The following HSPA4L variants were observed in gnomAD, a reference collection of about 807,000 sequenced individuals.
HSPA4L encodes the protein heat shock 70 kDa protein 4L.
A neutral mutation model predicts 100.3 loss-of-function variants in HSPA4L; 48 were observed. The observed-to-expected ratio is 0.48, with a 90% CI of 0.38 to 0.61. The LOEUF is 0.61. Ranked by LOEUF, HSPA4L falls within the 20% of genes least tolerant of loss-of-function variation. The pLI is 0.00. For synonymous variants in HSPA4L, 319 were observed against 328.2 expected (o/e 0.97, Z 0.30); for missense variants, 886 against 988.6 (o/e 0.90, Z 1.39).
chr4:127,818,218 CT>C, intron 12 of HSPA4L, 106 bp from the exon 13 acceptor site: 1 of 632,704 alleles, frequency 1.6e-6, no homozygotes, highest in Middle Eastern at 3.9e-4. Flanking sequence ...TTAACTGTTT[CT>C]ACATTTTACA....
At chr4:127,817,079 A>T (rs1354620081) in intron 12 of HSPA4L, among the ~76,000 whole-genome samples, 2 of 151,808 alleles carry the variant, frequency 1.3e-5, no homozygotes, top group African/African-American at 4.8e-5. Flanking sequence ...ATTTTTTTTT[A>T]ATTTGAGACA....
chr4:127,784,420 A>G (rs887029006), intron 1 of HSPA4L, among the ~76,000 whole-genome samples: 6 of 152,248 alleles, frequency 3.9e-5, no homozygotes, highest in African/African-American at 1.4e-4. Flanking sequence ...AGAGTCTTCT[A>G]AAAGTCTCTT....
In HSPA4L at chr4:127,823,612, T is replaced by G. The variant is rs1733869856; in HGVS notation, c.2034T>G (p.Leu678=). The G allele has an allele frequency of 6.2e-7, 1 of 1,609,290 alleles. No individual in the cohort carries two copies. Among genetic ancestry groups the G allele is most frequent in the African/African-American group, 1.3e-5 (1 of 74,838 alleles). The change falls in exon 16 of 19, where the codon CTT becomes CTG. Residue 678 remains leucine, a synonymous_variant. Coordinates refer to ENST00000296464, the MANE Select transcript of HSPA4L (RefSeq NM_014278.4). ...DQPKQVYVDK[L]QELKKYGQPI... is the part of the protein sequence containing the mutation. ...CTAAACAAGTTTATGTGGATAAGCT[T>G]CAAGAACTAAAGGTACATTTTTTTA... is the stretch of plus-strand genomic sequence containing the variant.
At chr4:127,782,021 C>A (rs1306916000), upstream of HSPA4L, 1 of 454,166 alleles carries the variant, frequency 2.2e-6, no homozygotes, top group Admixed American at 2.4e-5. Context: ...CTAGCCCGAC[C>A]GCCCGACGTC....
At chr4:127,782,171 T>C, upstream of HSPA4L, 1 of 429,604 alleles carries the variant, frequency 2.3e-6, no homozygotes. Flanking sequence ...CCGCAGCTTC[T>C]TGGGCAGCCG....
chr4:127,812,696 T>C, intron 12 of HSPA4L: 2 of 838,156 alleles, frequency 2.4e-6, no homozygotes, highest in Non-Finnish European at 3.9e-6. Flanking sequence ...AGAGGTCCTT[T>C]ATTTTTTTTT....
At chr4:127,784,911 A>G (rs1294467012) in intron 1 of HSPA4L, among the ~76,000 whole-genome samples, 1 of 152,264 alleles carries the variant, frequency 6.6e-6, no homozygotes, top group East Asian at 1.9e-4. Context: ...AATTGCTTAC[A>G]TCAAGGTAAT....
chr4:127,828,785 A>G (rs1197958249), intron 17 of HSPA4L, among the ~76,000 whole-genome samples: 1 of 152,112 alleles, frequency 6.6e-6, no homozygotes, highest in Non-Finnish European at 1.5e-5. Context: ...CAATGAAAAC[A>G]CCAAGAATAT....
At chr4:127,797,276 T>A (rs901643477) in intron 3 of HSPA4L, among the ~76,000 whole-genome samples, 1 of 152,208 alleles carries the variant, frequency 6.6e-6, no homozygotes, top group Non-Finnish European at 1.5e-5. Flanking sequence ...AGTTAATGGT[T>A]ACCTAGAGCA....
In HSPA4L at chr4:127,807,982, T is replaced by G; in HGVS notation, c.1245-14T>G. 4 of 1,604,218 alleles carry G rather than the reference T, an allele frequency of 2.5e-6. No homozygotes were observed. Among genetic ancestry groups the G allele is most frequent in the Non-Finnish European group, 3.4e-6 (4 of 1,177,368 alleles). The stretch of plus-strand genomic sequence containing the variant: ...TCTATTTGTTTCTAAGTGAGTTCTT[T>G]CCCTCCATTTTAGGGAATGTGAAGT... On this transcript the variant is annotated splice_polypyrimidine_tract_variant and intron_variant, in intron 10 of 18. Transcript: ENST00000296464.
Position 127,830,744 on chromosome 4 carries a change from T to C in HSPA4L, c.2273T>C (p.Leu758Pro). Residue 758 changes from leucine (L) to proline (P), a missense_variant, in exon 18 of 19, where the codon CTA becomes CCA. Coordinates refer to ENST00000296464, the MANE Select transcript of HSPA4L (RefSeq NM_014278.4). The part of the protein sequence containing the change: ...LNSKMNAQNK[L>P]SLTQDPVVKV... The stretch of plus-strand genomic sequence containing the variant: ...AGTAAGATGAATGCACAGAACAAAC[T>C]AAGTCTCACTCAAGATCCTGTGGTA... The C allele has an allele frequency of 6.2e-7, 1 of 1,606,646 alleles. No homozygotes were observed. The highest frequency in any genetic ancestry group is 8.5e-7 in the Non-Finnish European group (1 of 1,177,042).
chr4:127,834,637 T>C lies in HSPA4L; in HGVS notation c.*1763T>C, dbSNP rs756469722. On this transcript the variant is annotated 3_prime_UTR_variant, in exon 19 of 19. Transcript: ENST00000296464. ...ATACATTTTTTACAAACATAGATGC[T>C]TTTTATTTGTATGTTGAATGTACAG... is the stretch of plus-strand genomic sequence containing the variant. The C allele has an allele frequency of 2.5e-4, 38 of 152,298 alleles. No homozygotes were observed. Among genetic ancestry groups the C allele is most frequent in the Non-Finnish European group, 4.3e-4 (29 of 67,992 alleles). The allele number at this position is 152,298 out of a possible 1,614,324, so 9.4% of individuals were successfully genotyped here.
At chr4:127,807,585 C>T (rs1425978651) in intron 10 of HSPA4L, among the ~76,000 whole-genome samples, 2 of 151,952 alleles carry the variant, frequency 1.3e-5, no homozygotes, top group East Asian at 3.9e-4. Flanking sequence ...TAATTTTGCA[C>T]CTTTTCATAG....
intron 16 of HSPA4L, among the ~76,000 whole-genome samples, chr4:127,825,870 G>C (rs921183482): frequency 2.0e-5 from 3 of 148,800 alleles, no homozygotes; most frequent in Non-Finnish European, 3.0e-5. Flanking sequence ...AGGTTGCAGT[G>C]AGTTGAGATT....
intron 10 of HSPA4L, among the ~76,000 whole-genome samples, chr4:127,806,575 C>T (rs1016479738): frequency 5.9e-5 from 9 of 151,880 alleles, no homozygotes; most frequent in African/African-American, 2.2e-4. Context: ...AAAAAAAGCA[C>T]TGTTATTAAA....
chr4:127,783,060 G>A (rs559280895), intron 1 of HSPA4L, among the ~76,000 whole-genome samples: 1 of 152,234 alleles, frequency 6.6e-6, no homozygotes, highest in South Asian at 2.1e-4. Flanking sequence ...TCGGCCCCGC[G>A]CCAGCTGCCC....
At chr4:127,805,443 C>T (rs1733327021) in intron 9 of HSPA4L, among the ~76,000 whole-genome samples, 1 of 152,078 alleles carries the variant, frequency 6.6e-6, no homozygotes, top group South Asian at 2.1e-4. Context: ...ATTAATTTTA[C>T]AAATTATTGC....
At position 127,837,593 on chromosome 4, in the gene HSPA4L, A is replaced by C. The variant is rs1734243257; in HGVS notation, c.*4719A>C. 6.6e-6 allele frequency: 1 copy of C among 152,230 alleles called. No individual in the cohort carries two copies. Among genetic ancestry groups the C allele is most frequent in the African/African-American group, 2.4e-5 (1 of 41,472 alleles). 9.4% of individuals were successfully genotyped at this position (152,230 alleles called of 1,614,324 possible). On this transcript the variant is annotated 3_prime_UTR_variant, in exon 19 of 19. Coordinates refer to ENST00000296464, the MANE Select transcript of HSPA4L (RefSeq NM_014278.4). ...TTTTATCAAAAAAGATGGCAGGTTT[A>C]ACATTATACCTTTTGGTTTTTGCCC...
At chr4:127,783,600 G>C in intron 1 of HSPA4L, 1 of 1,533,236 alleles carries the variant, frequency 6.5e-7, no homozygotes, top group Non-Finnish European at 8.7e-7. Flanking sequence ...TGAAAAACTA[G>C]TTGCTGCTTA....
Sources: gnomAD v4.1 joint callset for allele counts (sites outside exome capture counted in the v4.1 genomes callset) on GRCh38, gnomAD v4.1.1 for gene constraint, MANE v1.5 for transcripts, NCBI Gene and HGNC (gene_info 2026-07-23, HGNC 2026-07-21) for gene names.